HECA: variants seen among roughly 807,000 people sequenced by gnomAD.
HECA encodes the protein HECA ribonucleoprotein granule regulator, also known as headcase protein homolog.
In HECA, 13 loss-of-function variants were observed where a neutral mutation model predicts 37.6. The observed-to-expected ratio is 0.35, with a 90% confidence interval of 0.23 to 0.55. HECA has a LOEUF of 0.55. Ranked by LOEUF, HECA falls within the 20% of genes least tolerant of loss-of-function variation. The probability of loss-of-function intolerance (pLI) is 0.90; values close to 1 mark genes in which losing one functional copy is unlikely to be tolerated. For missense variants in HECA, 527 were observed against 701.9 expected (o/e 0.75, Z 2.82); for synonymous variants, 307 against 291.5 (o/e 1.05, Z -0.54).
chr6:139,166,149 C>A, intron 1 of HECA, 135 bp from the exon 2 acceptor site: 1 of 722,474 alleles, frequency 1.4e-6, no homozygotes, highest in Non-Finnish European at 2.3e-6. Flanking sequence ...AGTGATTCAT[C>A]TTTAAAGGAA....
chr6:139,175,334 T>C (rs9689163), intron 3 of HECA, among the ~76,000 whole-genome samples: 6,279 of 152,306 alleles, frequency 0.041, 136 homozygotes, highest in African/African-American at 0.063. Flanking sequence ...CCTGGTTTTT[T>C]AGTACAAATA....
intron 2 of HECA, 138 bp from the exon 3 acceptor site, chr6:139,174,243 CTAAA>C (rs1775020214): frequency 5.5e-6 from 5 of 916,154 alleles, no homozygotes; most frequent in Non-Finnish European, 6.3e-6. Context: ...AGCTTGTGTA[CTAAA>C]TATTGATTTT....
intron 1 of HECA, among the ~76,000 whole-genome samples, chr6:139,162,743 G>T (rs1774823575): frequency 6.6e-6 from 1 of 152,210 alleles, no homozygotes; most frequent in Non-Finnish European, 1.5e-5. Flanking sequence ...ACCCTCTGCT[G>T]ATTGATTTGG....
intron 1 of HECA, among the ~76,000 whole-genome samples, chr6:139,160,363 C>T (rs997420096): frequency 6.6e-6 from 1 of 152,054 alleles, no homozygotes; most frequent in Non-Finnish European, 1.5e-5. Flanking sequence ...TGTATGATAC[C>T]CTTCTCCCAT....
chr6:139,158,631 A>G (rs1417868952), intron 1 of HECA, among the ~76,000 whole-genome samples: 1 of 146,788 alleles, frequency 6.8e-6, no homozygotes, highest in Non-Finnish European at 1.5e-5. Context: ...TGACCATGCC[A>G]CTGTACTCCG....
rs552544876 is a variant in HECA at position 139,137,675 on chromosome 6, A to G, written c.271+2008A>G. 5.0e-5 allele frequency among the ~76,000 whole-genome samples: 7 copies of G among 140,330 alleles called. No homozygotes were observed. In the South Asian group the frequency reaches 6.6e-4, roughly 13 times the overall value. The allele number at this position is 140,330 out of a possible 152,430, so 92.1% of individuals were successfully genotyped here. ...GCCTATGTGGAAGCTTCAAGTTCAC[A>G]GTTTCCTTTTTTTTCTTGCTCCAAA... On this transcript the variant is annotated intron_variant, in intron 1 of 3. Transcript: ENST00000367658.
At chr6:139,152,222 A>G (rs2114449126) in intron 1 of HECA, among the ~76,000 whole-genome samples, 1 of 152,302 alleles carries the variant, frequency 6.6e-6, no homozygotes, top group Middle Eastern at 3.4e-3. Context: ...TTTCTTACTG[A>G]GATCAGAGCG....
chr6:139,136,513 G>A (rs1774438620), intron 1 of HECA, among the ~76,000 whole-genome samples: 1 of 152,096 alleles, frequency 6.6e-6, no homozygotes, highest in Non-Finnish European at 1.5e-5. Context: ...CTCTAGTCAG[G>A]CACTTTTTCC....
intron 1 of HECA, among the ~76,000 whole-genome samples, chr6:139,140,579 C>G (rs758565803): frequency 1.1e-4 from 16 of 152,178 alleles, no homozygotes; most frequent in Non-Finnish European, 2.4e-4. Context: ...GAAACTAAAC[C>G]TTCAATGTCA....
At position 139,150,656 on chromosome 6, in the gene HECA, A is replaced by T. The variant is rs1298336974; in HGVS notation, c.271+14989A>T. On this transcript the variant is annotated intron_variant, in intron 1 of 3. Transcript: ENST00000367658. The stretch of plus-strand genomic sequence containing the variant: ...ACAAATTCTATAATAGTAGAAAGTA[A>T]GTTTTAGATTTTTTTGGTAACTCTT... 5.9e-5 allele frequency among the ~76,000 whole-genome samples: 9 copies of T among 151,938 alleles called. 1 individual carries two copies. Among genetic ancestry groups the T allele is most frequent in the East Asian group, 1.9e-4 (1 of 5,184 alleles).
chr6:139,168,631 C>T (rs1258955569), intron 2 of HECA, among the ~76,000 whole-genome samples: 1 of 151,952 alleles, frequency 6.6e-6, no homozygotes, highest in Non-Finnish European at 1.5e-5. Context: ...AGCTGTCCTT[C>T]TAGGAATGCC....
At chr6:139,156,299 T>C (rs1332024622) in intron 1 of HECA, among the ~76,000 whole-genome samples, 1 of 152,120 alleles carries the variant, frequency 6.6e-6, no homozygotes, top group East Asian at 1.9e-4. Flanking sequence ...CCTCCCAGGC[T>C]CAAGCCAATG....
At chr6:139,160,206 C>T (rs1431515342) in intron 1 of HECA, among the ~76,000 whole-genome samples, 1 of 152,184 alleles carries the variant, frequency 6.6e-6, no homozygotes, top group Non-Finnish European at 1.5e-5. Flanking sequence ...GTACTGACTA[C>T]TTGATGATGA....
intron 1 of HECA, among the ~76,000 whole-genome samples, chr6:139,136,891 C>T (rs1009430604): frequency 6.6e-6 from 1 of 152,110 alleles, no homozygotes; most frequent in Non-Finnish European, 1.5e-5. Flanking sequence ...GTCTCGGCCT[C>T]CCAAAGTGCT....
At chr6:139,147,428 C>T (rs913992200) in intron 1 of HECA, among the ~76,000 whole-genome samples, 1 of 151,892 alleles carries the variant, frequency 6.6e-6, no homozygotes, top group South Asian at 2.1e-4. Context: ...GAGTTCGAAA[C>T]CAGCCTGGGC....
chr6:139,174,772 A>T (rs867487718), intron 3 of HECA, among the ~76,000 whole-genome samples: 1 of 152,190 alleles, frequency 6.6e-6, no homozygotes, highest in African/African-American at 2.4e-5. Flanking sequence ...TCAAAAGAAC[A>T]GGTTATAAAA....
chr6:139,161,731 C>T (rs1489097060), intron 1 of HECA, among the ~76,000 whole-genome samples: 4 of 152,172 alleles, frequency 2.6e-5, no homozygotes, highest in African/African-American at 7.2e-5. Flanking sequence ...GTTAGATCTT[C>T]CTTTGACCTA....
Position 139,177,223 on chromosome 6 carries a change from G to A in HECA, c.*118G>A, listed in dbSNP as rs1775064702. The A allele has an allele frequency of 8.1e-6, 5 of 619,064 alleles. No individual in the cohort carries two copies. The East Asian group carries it at 8.4e-5, about 10-fold the overall frequency. 38.3% of individuals were successfully genotyped at this position (619,064 alleles called of 1,614,324 possible). On this transcript the variant is annotated 3_prime_UTR_variant, in exon 4 of 4. Transcript: ENST00000367658. This position sits in a 1 kb window ranked among gnomAD's most constrained non-coding sequence, Gnocchi z 4.9. Reference sequence around the variant, plus strand: ...TTCTAATTTAAAGGAGAGTTACTTTGTTGTATGTGTGCCACTAAAATAGGG... The same window carrying A: ...TTCTAATTTAAAGGAGAGTTACTTTATTGTATGTGTGCCACTAAAATAGGG...
chr6:139,166,747 G>A lies in HECA; in HGVS notation c.735G>A (p.Met245Ile). ...ACGACCTCCCCCGCCGGCATTCCATGGACCGGCAGAACTCCCAGGAGAAGG... is the reference window on the plus strand; with the variant it reads ...ACGACCTCCCCCGCCGGCATTCCATAGACCGGCAGAACTCCCAGGAGAAGG... ...PSHDLPRRHS[M>I]DRQNSQEKAV... Residue 245 changes from methionine (M) to isoleucine (I), a missense_variant, in exon 2 of 4, where the codon ATG (methionine) becomes ATA (isoleucine). Around this residue, in one of 4 missense-constraint regions of HECA, gnomAD observed 228 missense variants for 259.8 expected, o/e 0.88. Coordinates refer to ENST00000367658, the MANE Select transcript of HECA (RefSeq NM_016217.3). 1.2e-6 allele frequency: 2 copies of A among 1,613,684 alleles called. No individual in the cohort carries two copies. Among genetic ancestry groups the A allele is most frequent in the Non-Finnish European group, 1.7e-6 (2 of 1,179,876 alleles).
Sources: gnomAD v4.1 joint callset for allele counts (sites outside exome capture counted in the v4.1 genomes callset) on GRCh38, gnomAD v4.1.1 for gene constraint, gnomAD v4.1.1 regional missense constraint, Gnocchi (gnomAD v3.1) non-coding constraint, MANE v1.5 for transcripts, NCBI Gene and HGNC (gene_info 2026-07-23, HGNC 2026-07-21) for gene names.